INTS9: variants seen among roughly 807,000 people sequenced by gnomAD.
The protein encoded by INTS9 is integrator complex subunit 9.
In INTS9, 55 loss-of-function variants were observed where a neutral mutation model predicts 79.7. That is an observed-to-expected ratio of 0.69 (90% CI 0.56 to 0.86). INTS9 has a LOEUF of 0.86. Among genes scored for constraint, INTS9 ranks in the 40% least tolerant of loss-of-function variants. The probability of loss-of-function intolerance (pLI) is 0.00; values close to 1 mark genes in which losing one functional copy is unlikely to be tolerated. For synonymous variants in INTS9, 319 were observed against 325.2 expected, an observed-to-expected ratio of 0.98 and a Z score of 0.20; for missense variants, 721 against 831.5, an observed-to-expected ratio of 0.87 and a Z score of 1.64.
intron 11 of INTS9, among the ~76,000 whole-genome samples, chr8:28,782,771 T>C (rs1181881747): frequency 6.6e-6 from 1 of 152,166 alleles, no homozygotes; most frequent in African/African-American, 2.4e-5. Flanking sequence ...AAAAAAGTTC[T>C]TGGATACTGT....
At chr8:28,814,334 A>ACACACACT (rs1554500237) in intron 6 of INTS9, among the ~76,000 whole-genome samples, 1 of 139,196 alleles carries the variant, frequency 7.2e-6, no homozygotes. Context: ...ACACACACAC[A>ACACACACT]CTCTCACACA....
intron 3 of INTS9, 80 bp from the exon 4 acceptor site, chr8:28,846,889 A>C: frequency 9.3e-7 from 1 of 1,070,804 alleles, no homozygotes; most frequent in Non-Finnish European, 1.4e-6. Context: ...CCCCAAACAA[A>C]ACTTTTCATG....
At chr8:28,813,429 C>A (rs1343408098) in intron 7 of INTS9, 63 bp downstream of exon 7, 3 of 1,525,806 alleles carry the variant, frequency 2.0e-6, no homozygotes, top group African/African-American at 2.7e-5. Flanking sequence ...TTCTTCCAAA[C>A]AACAAACAAC....
intron 1 of INTS9, among the ~76,000 whole-genome samples, chr8:28,863,210 G>C (rs1808550949): frequency 6.6e-6 from 1 of 152,064 alleles, no homozygotes; most frequent in Non-Finnish European, 1.5e-5. Flanking sequence ...TTCCCATTTT[G>C]CTGGTCTGCT....
At chr8:28,867,137 A>G (rs1017780014) in intron 1 of INTS9, among the ~76,000 whole-genome samples, 9 of 150,084 alleles carry the variant, frequency 6.0e-5, no homozygotes, top group African/African-American at 2.2e-4. Context: ...AATACAAAAA[A>G]TTAGGCTAGA....
At chr8:28,876,310 C>T (rs1221173673) in intron 1 of INTS9, among the ~76,000 whole-genome samples, 1 of 152,110 alleles carries the variant, frequency 6.6e-6, no homozygotes, top group Non-Finnish European at 1.5e-5. Context: ...TTATGCACCA[C>T]CTAAGACTTT....
At chr8:28,821,575 A>AAC (rs1805830109) in intron 6 of INTS9, among the ~76,000 whole-genome samples, 1 of 151,810 alleles carries the variant, frequency 6.6e-6, no homozygotes, top group Non-Finnish European at 1.5e-5. Flanking sequence ...ATTCCAGCTG[A>AAC]AACCACCACC....
chr8:28,841,783 G>T (rs565830414), intron 4 of INTS9, among the ~76,000 whole-genome samples: 72 of 152,210 alleles, frequency 4.7e-4, no homozygotes, highest in African/African-American at 1.6e-3. Flanking sequence ...AAAAGAAAAC[G>T]TTATTAAGAA....
intron 2 of INTS9, among the ~76,000 whole-genome samples, chr8:28,852,172 T>C (rs1390030349): frequency 1.3e-5 from 2 of 152,112 alleles, no homozygotes; most frequent in Admixed American, 6.5e-5. Context: ...GGAGCTGTGA[T>C]TGTGCCACTG....
At chr8:28,815,587 G>A (rs962065489) in intron 6 of INTS9, among the ~76,000 whole-genome samples, 23 of 151,990 alleles carry the variant, frequency 1.5e-4, no homozygotes, top group African/African-American at 4.8e-4. Flanking sequence ...TTCCAAAATC[G>A]GAAAAAGTCT....
intron 9 of INTS9, among the ~76,000 whole-genome samples, chr8:28,796,058 C>T (rs571934173): frequency 6.6e-6 from 1 of 152,288 alleles, no homozygotes; most frequent in Non-Finnish European, 1.5e-5. Flanking sequence ...GCCGGAAATC[C>T]CAGCATTTTG....
Position 28,777,910 on chromosome 8 carries a change from C to T in INTS9, c.1314G>A (p.Pro438=), listed in dbSNP as rs368967611. The T allele has an allele frequency of 3.2e-5, 51 of 1,611,940 alleles. No individual in the cohort carries two copies. Among genetic ancestry groups the T allele is most frequent in the South Asian group, 6.6e-5 (6 of 90,794 alleles). Residue 438 remains proline, a synonymous_variant, in exon 13 of 17, where the codon CCG becomes CCA. Transcript: ENST00000521022. ...SYLEALAPYQ[P]LAMKCIYCPI... is the part of the protein sequence containing the mutation. ...GGCAGTAGATGCATTTCATGGCCAGCGGCTGGTAAGGAGCCAGGGCTTCCA... is the reference window on the plus strand; with the variant it reads ...GGCAGTAGATGCATTTCATGGCCAGTGGCTGGTAAGGAGCCAGGGCTTCCA...
chr8:28,871,542 C>CT (rs1809095288), intron 1 of INTS9, among the ~76,000 whole-genome samples: 1 of 151,926 alleles, frequency 6.6e-6, no homozygotes, highest in Admixed American at 6.6e-5. Context: ...GTAGCTGGGA[C>CT]TACAGATGCA....
chr8:28,808,273 AACCTCC>A (rs1286406340), intron 8 of INTS9, among the ~76,000 whole-genome samples: 1 of 149,856 alleles, frequency 6.7e-6, no homozygotes, highest in African/African-American at 2.5e-5. Context: ...GGCTCACTGC[AACCTCC>A]ACCTCCTGGG....
intron 10 of INTS9, among the ~76,000 whole-genome samples, chr8:28,793,341 G>T (rs74543133): frequency 0.018 from 2,691 of 152,098 alleles, 74 homozygotes; most frequent in African/African-American, 0.06. Context: ...TTCATATTTT[G>T]CCAACTCTAG....
At chr8:28,768,381 A>C (rs1366190349) in intron 16 of INTS9, 59 bp from the exon 17 acceptor site, 1 of 1,492,842 alleles carries the variant, frequency 6.7e-7, no homozygotes, top group Non-Finnish European at 9.3e-7. Context: ...TGAGATCTGT[A>C]AATGACACTT....
chr8:28,791,001 G>A (rs377570623), intron 10 of INTS9, among the ~76,000 whole-genome samples: 3 of 152,190 alleles, frequency 2.0e-5, no homozygotes, highest in East Asian at 3.8e-4. Context: ...GGGTCAACAC[G>A]ATCTACTACA....
In INTS9 at chr8:28,812,377, C is replaced by T. The variant is rs2131046909; in HGVS notation, c.694G>A (p.Glu232Lys). Residue 232 changes from glutamate (E) to lysine (K), a missense_variant, in exon 8 of 17, where the codon GAG becomes AAG. Physicochemically the swap from Glu to Lys is moderately conservative, Grantham distance 56 (BLOSUM62 1). Coordinates refer to ENST00000521022, the MANE Select transcript of INTS9 (RefSeq NM_018250.4). Reference sequence around the variant, plus strand: ...GATCCAGAGACATAAGACACTTTCTCGTAATGAGACTGGATGATCCAGTTG... The same window carrying T: ...GATCCAGAGACATAAGACACTTTCTTGTAATGAGACTGGATGATCCAGTTG... The part of the protein sequence containing the change: ...SSNWIIQSHY[E>K]KVSYVSGSSL... 2.5e-6 allele frequency: 4 copies of T among 1,613,972 alleles called. No homozygotes were observed. Among genetic ancestry groups the T allele is most frequent in the East Asian group, 2.2e-5 (1 of 44,856 alleles).
Position 28,777,956 on chromosome 8 carries a change from AG to A in INTS9, c.1271-4del, listed in dbSNP as rs1214299512. On this transcript the variant is annotated splice_polypyrimidine_tract_variant and splice_region_variant and intron_variant, in intron 12 of 16. Coordinates refer to ENST00000521022, the MANE Select transcript of INTS9 (RefSeq NM_018250.4). ...TTCCAGGTAGGAGAAGTCTGGTTCT[AG>A]GGAAAGTACAAGAAAGAAATCTTAC... The A allele has an allele frequency of 2.5e-6, 4 of 1,605,058 alleles. No homozygotes were observed. Among genetic ancestry groups the A allele is most frequent in the Non-Finnish European group, 3.4e-6 (4 of 1,176,566 alleles).
Sources: allele counts gnomAD v4.1 joint callset (sites outside exome capture counted in the v4.1 genomes callset), GRCh38; gene constraint gnomAD v4.1.1; transcripts MANE v1.5; gene names NCBI Gene and HGNC (gene_info 2026-07-23, HGNC 2026-07-21).